Variants in PARM1 observed in about 807,000 individuals in gnomAD.
PARM1 encodes the protein WSC4, cell wall integrity and stress response component 4 homolog.
PARM1 carries 14 observed loss-of-function variants against 24.6 expected under a neutral mutation model. That is an observed-to-expected ratio of 0.57 (90% confidence interval 0.38 to 0.89). The LOEUF (loss-of-function observed/expected upper bound fraction) is 0.89, where lower values mean the gene tolerates loss of function less well. PARM1 is among the 40% of genes least tolerant of loss of function. The probability of loss-of-function intolerance (pLI) is 0.00; values close to 1 mark genes in which losing one functional copy is unlikely to be tolerated. For synonymous variants in PARM1, 179 were observed against 156.6 expected (o/e 1.14, Z -1.07); for missense variants, 362 against 380.4 (o/e 0.95, Z 0.40).
chr4:74,966,387 G>A (rs1328255881), intron 1 of PARM1, among the ~76,000 whole-genome samples: 1 of 152,182 alleles, frequency 6.6e-6, no homozygotes, highest in Non-Finnish European at 1.5e-5. Context: ...AGAGTGAGGG[G>A]GTGAATGGAT....
intron 2 of PARM1, among the ~76,000 whole-genome samples, chr4:75,032,860 C>T (rs1723298625): frequency 1.3e-5 from 2 of 152,134 alleles, no homozygotes; most frequent in South Asian, 4.1e-4. Context: ...TTCCCAGTTG[C>T]CTAAAAGAGT....
intron 1 of PARM1, among the ~76,000 whole-genome samples, chr4:74,975,437 A>G (rs1722125465): frequency 6.6e-6 from 1 of 152,246 alleles, no homozygotes. Flanking sequence ...GTTTTTGAGT[A>G]GTTGAAAGAC....
chr4:75,024,038 G>A (rs371829933), intron 2 of PARM1, among the ~76,000 whole-genome samples: 3 of 152,254 alleles, frequency 2.0e-5, no homozygotes. Context: ...TTGGGAGGCC[G>A]AGACGGGCAG....
Position 75,023,343 on chromosome 4 carries a change from C to G in PARM1, c.769+10193C>G, listed in dbSNP as rs989982846. On this transcript the variant is annotated intron_variant, in intron 2 of 3. Coordinates refer to ENST00000307428, the MANE Select transcript of PARM1 (RefSeq NM_015393.4). ...GATGAGGGTAATTATAGTACTGTACCTGTTTTACAGGATTCTTATTAGGGT... is the reference window on the plus strand; with the variant it reads ...GATGAGGGTAATTATAGTACTGTACGTGTTTTACAGGATTCTTATTAGGGT... Among the ~76,000 whole-genome samples the G allele has an allele frequency of 1.1e-4, 17 of 152,218 alleles. No homozygotes were observed. In the East Asian group the frequency reaches 3.3e-3, roughly 29 times the overall value.
At chr4:74,961,040 T>G (rs1399759473) in intron 1 of PARM1, among the ~76,000 whole-genome samples, 1 of 146,970 alleles carries the variant, frequency 6.8e-6, no homozygotes, top group Non-Finnish European at 1.5e-5. Flanking sequence ...AACTGAAAAG[T>G]GATGTGGAGA....
intron 3 of PARM1, 51 bp downstream of exon 3, chr4:75,034,012 T>A: frequency 1.4e-6 from 2 of 1,411,966 alleles, no homozygotes; most frequent in Non-Finnish European, 2.0e-6. Context: ...TGTTGGGCTC[T>A]GGGCTGAGCG....
chr4:74,980,788 A>C (rs1722234665), intron 1 of PARM1, among the ~76,000 whole-genome samples: 1 of 152,206 alleles, frequency 6.6e-6, no homozygotes. Flanking sequence ...GACCAATGGA[A>C]CAAAATAGAG....
At chr4:74,951,787 A>T (rs1391100522) in intron 1 of PARM1, among the ~76,000 whole-genome samples, 1 of 152,192 alleles carries the variant, frequency 6.6e-6, no homozygotes, top group Non-Finnish European at 1.5e-5. Flanking sequence ...TTAAGGCTGC[A>T]TAGTATTCCA....
intron 1 of PARM1, among the ~76,000 whole-genome samples, chr4:74,939,930 A>C (rs1041320161): frequency 6.6e-6 from 1 of 152,214 alleles, no homozygotes; most frequent in African/African-American, 2.4e-5. Flanking sequence ...TTACATTCCA[A>C]ATTCCAACAT....
At chr4:75,020,068 T>C (rs1026948189) in intron 2 of PARM1, among the ~76,000 whole-genome samples, 8 of 148,928 alleles carry the variant, frequency 5.4e-5, no homozygotes, top group Non-Finnish European at 1.2e-4. Flanking sequence ...ATGTATATTG[T>C]AGTAAGTTAA....
chr4:74,942,891 C>A (rs1308388535), intron 1 of PARM1, among the ~76,000 whole-genome samples: 1 of 152,110 alleles, frequency 6.6e-6, no homozygotes, highest in Non-Finnish European at 1.5e-5. Context: ...AGAGTAAAAG[C>A]CAAAATCTTA....
Position 75,004,722 on chromosome 4 carries a change from A to G in PARM1, c.44-7703A>G, listed in dbSNP as rs543723306. Among the ~76,000 whole-genome samples, 4 of 152,352 alleles carry G rather than the reference A, an allele frequency of 2.6e-5. No homozygotes were observed. The South Asian group carries it at 8.3e-4, about 32-fold the overall frequency. On this transcript the variant is annotated intron_variant, in intron 1 of 3. Transcript: ENST00000307428. ...TAAAGGGAAGGGGAAGGGTTCATAC[A>G]GTCTAATAACTTTTAAAAAGTCACT...
intron 3 of PARM1, among the ~76,000 whole-genome samples, chr4:75,035,979 C>T (rs1450572662): frequency 1.3e-5 from 2 of 152,140 alleles, no homozygotes; most frequent in African/African-American, 4.8e-5. Flanking sequence ...TGCAGATACA[C>T]CGTATTTTAA....
At chr4:75,002,329 C>T (rs1048481133) in intron 1 of PARM1, among the ~76,000 whole-genome samples, 1 of 152,170 alleles carries the variant, frequency 6.6e-6, no homozygotes, top group African/African-American at 2.4e-5. Context: ...TGAGAAATGA[C>T]TTGATAGCAG....
chr4:75,020,009 CAAAAAAAAAAAAAAA>C (rs1161399344), intron 2 of PARM1, among the ~76,000 whole-genome samples: 1 of 31,046 alleles, frequency 3.2e-5, no homozygotes, highest in Non-Finnish European at 1.1e-4. Context: ...GACTCCGTCT[CAAAAAAAAAAAAAAA>C]AAAAAAAAAA....
At chr4:75,007,581 C>T (rs374491088) in intron 1 of PARM1, among the ~76,000 whole-genome samples, 3 of 152,124 alleles carry the variant, frequency 2.0e-5, no homozygotes, top group African/African-American at 7.2e-5. Flanking sequence ...TTAGGCCCTC[C>T]CTAGCTCTAA....
intron 3 of PARM1, among the ~76,000 whole-genome samples, chr4:75,041,392 T>C (rs1234416939): frequency 6.6e-6 from 1 of 152,236 alleles, no homozygotes; most frequent in Non-Finnish European, 1.5e-5. Context: ...ATCATCTTTG[T>C]ATCCTTCCAT....
chr4:74,964,249 G>T (rs952461976), intron 1 of PARM1, among the ~76,000 whole-genome samples: 1 of 152,130 alleles, frequency 6.6e-6, no homozygotes, highest in Non-Finnish European at 1.5e-5. Context: ...TTGCCCTCCT[G>T]AGCGCTTACC....
chr4:74,966,409 G>T (rs182080041), intron 1 of PARM1, among the ~76,000 whole-genome samples: 3 of 152,270 alleles, frequency 2.0e-5, no homozygotes, highest in Admixed American at 2.0e-4. Context: ...GCAAATCACT[G>T]GGAGGAGACA....
Sources: allele counts gnomAD v4.1 joint callset (sites outside exome capture counted in the v4.1 genomes callset), GRCh38; gene constraint gnomAD v4.1.1; transcripts MANE v1.5; gene names NCBI Gene and HGNC (gene_info 2026-07-23, HGNC 2026-07-21).